MEX3D: variants seen among roughly 807,000 people sequenced by gnomAD.
MEX3D encodes mex-3 RNA binding family member D, also known as RNA-binding protein MEX3D.
In MEX3D, 4 loss-of-function variants were observed where a neutral mutation model predicts 6.3. That is an observed-to-expected ratio of 0.64 (90% CI 0.31 to 1.46). The LOEUF (loss-of-function observed/expected upper bound fraction) is 1.46, where lower values mean the gene tolerates loss of function less well. Among genes scored for constraint, MEX3D ranks in the 40% most tolerant of loss-of-function variants. MEX3D has a pLI of 0.07. For missense variants in MEX3D, 1,038 were observed against 994.4 expected, an observed-to-expected ratio of 1.04 and a Z score of -0.59; for synonymous variants, 626 against 494.1, an observed-to-expected ratio of 1.27 and a Z score of -3.54.
Position 1,568,323 on chromosome 19 carries a change from G to A in MEX3D, c.-265C>T, listed in dbSNP as rs1439508047. Among the ~76,000 whole-genome samples, 1 of 142,566 alleles carries A rather than the reference G, an allele frequency of 7.0e-6. No homozygotes were observed. The highest frequency in any genetic ancestry group is 2.1e-4 in the South Asian group (1 of 4,676). The allele number at this position is 142,566 out of a possible 152,430, so 93.5% of individuals were successfully genotyped here. ...GCTCCTCGGCGGCCGAGGCGGCGGCGGCGGCGCGGGACGCTCCTTCCCTCC... is the reference window on the plus strand; with the variant it reads ...GCTCCTCGGCGGCCGAGGCGGCGGCAGCGGCGCGGGACGCTCCTTCCCTCC... On this transcript the variant is annotated 5_prime_UTR_variant, in exon 1 of 2. Coordinates refer to ENST00000402693, the MANE Select transcript of MEX3D (RefSeq NM_203304.4).
chr19:1,557,593 G>A (rs112069081), intron 1 of MEX3D, among the ~76,000 whole-genome samples: 1 of 149,866 alleles, frequency 6.7e-6, no homozygotes, highest in Admixed American at 6.7e-5. Flanking sequence ...GGGTGCAGTG[G>A]CTCACCCCTG....
intron 1 of MEX3D, among the ~76,000 whole-genome samples, chr19:1,560,220 C>CA (rs1329002146): frequency 1.3e-5 from 2 of 152,246 alleles, no homozygotes; most frequent in Admixed American, 6.5e-5. Context: ...TGGCTCCTGG[C>CA]AGCCACCCTG....
At position 1,556,278 on chromosome 19, in the gene MEX3D, G is replaced by A. The variant is rs1420550720; in HGVS notation, c.1241C>T (p.Ser414Phe). ...AFYAGSRGGP[S>F]VPDPGPASPY... ...GCTGGCGGGGCCTGGGTCCGGCACG[G>A]AGGGGCCGCCGCGGCTGCCCGCGTA... The change falls in exon 2 of 2, where the codon TCC becomes TTC. Residue 414 changes from serine (S) to phenylalanine (F), a missense_variant. Ser to Phe is a radical substitution (Grantham distance 155). Coordinates refer to ENST00000402693, the MANE Select transcript of MEX3D (RefSeq NM_203304.4). This position sits in a 1 kb window ranked among gnomAD's most constrained non-coding sequence, Gnocchi z 7.5. The A allele has an allele frequency of 2.3e-6, 3 of 1,284,800 alleles. No homozygotes were observed. The East Asian group carries it at 1.1e-4, about 48-fold the overall frequency. The allele number at this position is 1,284,800 out of a possible 1,614,324, so 79.6% of individuals were successfully genotyped here.
chr19:1,556,015 C>A lies in MEX3D; in HGVS notation c.1504G>T (p.Ala502Ser). ...NGAPGPPAAG[A>S]RRSSGAGTPR... ...GTCCCGGCCCCACTGCTGCGCCGGG[C>A]GCCGGCGGCGGGAGGTCCCGGGGCT... Residue 502 changes from alanine to serine, a missense_variant, in exon 2 of 2, where the codon GCC becomes TCC. Ala to Ser is a moderately conservative substitution (Grantham distance 99). This residue lies in a region of MEX3D where 581 missense variants were observed against 516.2 expected (regional missense o/e 1.13). Transcript: ENST00000402693. The surrounding 1 kb of genome is among the most constrained non-coding windows in gnomAD (Gnocchi z 7.5). 2 of 1,238,186 alleles carry A rather than the reference C, an allele frequency of 1.6e-6. No homozygotes were observed. The highest frequency in any genetic ancestry group is 2.0e-6 in the Non-Finnish European group (2 of 986,682). The allele number at this position is 1,238,186 out of a possible 1,614,324, so 76.7% of individuals were successfully genotyped here.
chr19:1,556,482 G>T lies in MEX3D; in HGVS notation c.1037C>A (p.Thr346Asn). ...GAAGTCGCTGTCGGGGCCCGCGTCG[G>T]TGAAGGCGCCAGTGCGCAGCGTGAT... ...AHITLRTGAFTDAGPDSDFHA... is the reference protein window; with the variant it reads ...AHITLRTGAFNDAGPDSDFHA... Residue 346 changes from threonine to asparagine, a missense_variant, in exon 2 of 2, where the codon ACC becomes AAC. Thr to Asn is a moderately conservative substitution (Grantham distance 65). Transcript: ENST00000402693. This position sits in a 1 kb window ranked among gnomAD's most constrained non-coding sequence, Gnocchi z 7.5. The T allele has an allele frequency of 6.2e-7, 1 of 1,602,814 alleles. No homozygotes were observed. Among genetic ancestry groups the T allele is most frequent in the Middle Eastern group, 1.7e-4 (1 of 6,048 alleles).
chr19:1,559,851 G>A (rs1914675349), intron 1 of MEX3D, among the ~76,000 whole-genome samples: 2 of 152,094 alleles, frequency 1.3e-5, no homozygotes, highest in South Asian at 2.1e-4. Context: ...GCACCCACTC[G>A]GAGGAGGACA....
intron 1 of MEX3D, among the ~76,000 whole-genome samples, chr19:1,566,437 C>T (rs1914841773): frequency 6.6e-6 from 1 of 152,214 alleles, no homozygotes; most frequent in Non-Finnish European, 1.5e-5. Context: ...ACACCTTTCT[C>T]TGGCCTGGAT....
rs138315847 is a variant in MEX3D, at chr19:1,557,497, C to T, written c.596-574G>A. ...AGGAGAATCACTTGAACCCAGGAGA[C>T]GAAGGTTGCAGTGAGCCAAGATTGC... On this transcript the variant is annotated intron_variant, in intron 1 of 1. Coordinates refer to ENST00000402693, the MANE Select transcript of MEX3D (RefSeq NM_203304.4). Among the ~76,000 whole-genome samples, 959 of 147,648 alleles carry T rather than the reference C, an allele frequency of 6.5e-3. 11 individuals carry two copies. Among genetic ancestry groups the T allele is most frequent in the African/African-American group, 0.023 (905 of 39,800 alleles).
In MEX3D at chr19:1,556,547, G is replaced by C. The variant is rs1334661342; in HGVS notation, c.972C>G (p.Pro324=). 6 of 1,607,648 alleles carry C rather than the reference G, an allele frequency of 3.7e-6. No individual in the cohort carries two copies. In the East Asian group the frequency reaches 1.1e-4, roughly 30 times the overall value. The change falls in exon 2 of 2, where the codon CCC becomes CCG. Residue 324 remains proline (P), a synonymous_variant. Transcript: ENST00000402693. This position sits in a 1 kb window ranked among gnomAD's most constrained non-coding sequence, Gnocchi z 7.5. ...KEPVFAVTGM[P]ENVDRAREEI... is the part of the protein sequence containing the mutation. ...CCTCGCGCGCGCGGTCCACGTTCTC[G>C]GGCATCCCAGTGACCGCGAACACCG...
intron 1 of MEX3D, among the ~76,000 whole-genome samples, chr19:1,562,260 CAA>C (rs34005757): frequency 4.0e-5 from 4 of 99,816 alleles, no homozygotes; most frequent in South Asian, 3.1e-4. Context: ...GACTCCGTCT[CAA>C]AAAAAAAAAA....
At chr19:1,561,065 G>A (rs367576555) in intron 1 of MEX3D, among the ~76,000 whole-genome samples, 1 of 152,218 alleles carries the variant, frequency 6.6e-6, no homozygotes, top group Non-Finnish European at 1.5e-5. Flanking sequence ...GGGAATCGGG[G>A]TGACCACCCC....
intron 1 of MEX3D, among the ~76,000 whole-genome samples, chr19:1,560,208 G>A (rs1011030637): frequency 3.9e-5 from 6 of 152,360 alleles, no homozygotes; most frequent in East Asian, 3.9e-4. Flanking sequence ...TGACCAGGCC[G>A]TTGGCTCCTG....
intron 1 of MEX3D, among the ~76,000 whole-genome samples, chr19:1,562,349 AC>A (rs1318852331): frequency 6.8e-6 from 1 of 147,332 alleles, no homozygotes; most frequent in African/African-American, 2.5e-5. Flanking sequence ...ACATGGTGAA[AC>A]CCCATCTCCA....
At position 1,556,780 on chromosome 19, in the gene MEX3D, A is replaced by C. The variant is rs1914581684; in HGVS notation, c.739T>G (p.Phe247Val). Residue 247 changes from phenylalanine to valine, a missense_variant, in exon 2 of 2, where the codon TTC becomes GTC. Physicochemically the swap from Phe to Val is conservative, Grantham distance 50. Around this residue, in one of 5 missense-constraint regions of MEX3D, gnomAD observed 75 missense variants for 125.1 expected, o/e 0.60. Transcript: ENST00000402693. This position sits in a 1 kb window ranked among gnomAD's most constrained non-coding sequence, Gnocchi z 7.5. ...CTGCGCGTGGCGCGGATGATGGAGA[A>C]GTGTTCGGCCGCCGACAGGATCTCA... ...KREILSAAEH[F>V]SIIRATRSKA... 6.2e-7 allele frequency: 1 copy of C among 1,612,346 alleles called. No homozygotes were observed. The highest frequency in any genetic ancestry group is 8.5e-7 in the Non-Finnish European group (1 of 1,179,762).
Position 1,554,831 on chromosome 19 carries a change from TTTTAG to T in MEX3D, c.*727_*731del, listed in dbSNP as rs1194383008. 1 of 152,096 alleles carries T rather than the reference TTTTAG, an allele frequency of 6.6e-6. No individual in the cohort carries two copies. Among genetic ancestry groups the T allele is most frequent in the Non-Finnish European group, 1.5e-5 (1 of 68,008 alleles). The allele number at this position is 152,096 out of a possible 1,614,324, so 9.4% of individuals were successfully genotyped here. A position where few individuals can be genotyped will look rare whatever the true frequency, so the allele number is the denominator to read the frequency against. Reference sequence around the variant, plus strand: ...ATTACTTTATTTAAAATAAAATATATTTTAGTTCTTAAAATTTATTCCATAAAGTA... The same window carrying T: ...ATTACTTTATTTAAAATAAAATATATTTCTTAAAATTTATTCCATAAAGTA... On this transcript the variant is annotated 3_prime_UTR_variant, in exon 2 of 2. Coordinates refer to ENST00000402693, the MANE Select transcript of MEX3D (RefSeq NM_203304.4).
Position 1,567,025 on chromosome 19 carries a change from C to T in MEX3D, c.595+439G>A, listed in dbSNP as rs1253684140. On this transcript the variant is annotated intron_variant, in intron 1 of 1. Transcript: ENST00000402693. This position sits in a 1 kb window ranked among gnomAD's most constrained non-coding sequence, Gnocchi z 6.5. ...GCGCTCTTTGTACTGTCAGCCTTCT[C>T]TCCCGGTCCTGCAGGCGGCCCCCCT... Among the ~76,000 whole-genome samples, 1 of 152,156 alleles carries T rather than the reference C, an allele frequency of 6.6e-6. No homozygotes were observed. Among genetic ancestry groups the T allele is most frequent in the East Asian group, 1.9e-4 (1 of 5,188 alleles).
In MEX3D at chr19:1,555,871, C is replaced by T. The variant is rs1417922368; in HGVS notation, c.1648G>A (p.Val550Ile). Reference protein sequence around the residue: ...ALSWRPPQGPVSFPGGAAFST... With the variant: ...ALSWRPPQGPISFPGGAAFST... ...AAGGCGGCGCCGCCTGGGAAGGATA[C>T]GGGGCCCTGCGGGGGTCGCCAGGAC... The change falls in exon 2 of 2, where the codon GTA becomes ATA. Residue 550 changes from valine to isoleucine, a missense_variant. This residue lies in a region of MEX3D where 581 missense variants were observed against 516.2 expected (regional missense o/e 1.13). Transcript: ENST00000402693. 4 of 1,308,430 alleles carry T rather than the reference C, an allele frequency of 3.1e-6. No individual in the cohort carries two copies. The highest frequency in any genetic ancestry group is 1.9e-5 in the South Asian group (1 of 51,752). 81.1% of individuals were successfully genotyped at this position (1,308,430 alleles called of 1,614,324 possible). A position where few individuals can be genotyped will look rare whatever the true frequency, so the allele number is the denominator to read the frequency against.
intron 1 of MEX3D, among the ~76,000 whole-genome samples, chr19:1,563,232 T>C (rs1282216076): frequency 6.6e-6 from 1 of 151,798 alleles, no homozygotes; most frequent in Non-Finnish European, 1.5e-5. Flanking sequence ...CCTGCGGGGA[T>C]GGGAGGAGAA....
chr19:1,558,760 C>G lies in MEX3D; in HGVS notation c.596-1837G>C, dbSNP rs146508281. ...AGGTCTCGGCCCGACTGCAGACGCCCGCACCCTGACTCCAGATGCCTCCGA... is the reference window on the plus strand; with the variant it reads ...AGGTCTCGGCCCGACTGCAGACGCCGGCACCCTGACTCCAGATGCCTCCGA... On this transcript the variant is annotated intron_variant, in intron 1 of 1. Transcript: ENST00000402693. Among the ~76,000 whole-genome samples the G allele has an allele frequency of 8.0e-3, 1,226 of 152,318 alleles. 9 individuals are homozygous for G. The highest frequency in any genetic ancestry group is 0.016 in the South Asian group (77 of 4,832).
Sources: gnomAD v4.1 joint callset for allele counts (sites outside exome capture counted in the v4.1 genomes callset) on GRCh38, gnomAD v4.1.1 for gene constraint, gnomAD v4.1.1 regional missense constraint, Gnocchi (gnomAD v3.1) non-coding constraint, MANE v1.5 for transcripts, NCBI Gene and HGNC (gene_info 2026-07-23, HGNC 2026-07-21) for gene names.